Variants in ABHD18 observed in about 807,000 individuals in gnomAD.
The protein encoded by ABHD18 is cardiolipin-specific deacylase, mitochondrial.
A neutral mutation model predicts 65.9 loss-of-function variants in ABHD18; 55 were observed. That is an observed-to-expected ratio of 0.84 (90% CI 0.67 to 1.05). The LOEUF (loss-of-function observed/expected upper bound fraction) is 1.05. Among genes scored for constraint, ABHD18 ranks in the 50% least tolerant of loss-of-function variants. The pLI is 0.00. For synonymous variants in ABHD18, 181 were observed against 180.2 expected, an observed-to-expected ratio of 1.00 and a Z score of -0.04; for missense variants, 533 against 558.5, an observed-to-expected ratio of 0.95 and a Z score of 0.46.
At chr4:128,025,614 A>G (rs572214966) in intron 10 of ABHD18, among the ~76,000 whole-genome samples, 1 of 152,174 alleles carries the variant, frequency 6.6e-6, no homozygotes, top group Non-Finnish European at 1.5e-5. Context: ...AACTTTGTAC[A>G]TTCATGTTAT....
rs1754291952 is a variant in ABHD18, at chr4:128,010,222, T to C, written c.442+1031T>C. ...AAAGTTTACAATAATGTATGACCAG[T>C]ATTTCTGATGTGAATGTAGGATATA... On this transcript the variant is annotated intron_variant, in intron 6 of 12. Coordinates refer to ENST00000645843, the MANE Select transcript of ABHD18 (RefSeq NM_001358451.3). Among the ~76,000 whole-genome samples the C allele has an allele frequency of 2.6e-5, 4 of 152,190 alleles. No individual in the cohort carries two copies. In the South Asian group the frequency reaches 8.3e-4, roughly 31 times the overall value.
At chr4:128,032,720 C>A (rs1258007939) in intron 12 of ABHD18, among the ~76,000 whole-genome samples, 1 of 151,964 alleles carries the variant, frequency 6.6e-6, no homozygotes, top group Non-Finnish European at 1.5e-5. Context: ...GACAGTGAGA[C>A]TCTGTCTCAA....
At chr4:128,007,388 G>A (rs566133869) in intron 4 of ABHD18, among the ~76,000 whole-genome samples, 5 of 143,282 alleles carry the variant, frequency 3.5e-5, no homozygotes, top group African/African-American at 1.0e-4. Context: ...ACAAAGAGAA[G>A]TCATATAGGT....
intron 3 of ABHD18, among the ~76,000 whole-genome samples, chr4:127,987,714 A>T (rs975516424): frequency 2.0e-5 from 3 of 151,506 alleles, no homozygotes; most frequent in Non-Finnish European, 2.9e-5. Context: ...CTCAAAAAAA[A>T]AAAATAAATA....
intron 10 of ABHD18, among the ~76,000 whole-genome samples, chr4:128,026,996 A>G (rs560492863): frequency 1.3e-5 from 2 of 152,060 alleles, no homozygotes; most frequent in South Asian, 4.2e-4. Context: ...TGGCCAGGCT[A>G]GTCTTGAATT....
At chr4:127,991,856 G>C (rs977820583) in intron 4 of ABHD18, among the ~76,000 whole-genome samples, 1 of 152,164 alleles carries the variant, frequency 6.6e-6, no homozygotes, top group African/African-American at 2.4e-5. Context: ...AATACATTCA[G>C]AACCCTATAA....
At chr4:127,984,509 A>G in intron 3 of ABHD18, 86 bp downstream of exon 3, 1 of 658,994 alleles carries the variant, frequency 1.5e-6, no homozygotes, top group Non-Finnish European at 2.5e-6. Context: ...GAGTATAACA[A>G]CAATAAACAC....
At position 128,011,701 on chromosome 4, in the gene ABHD18, G is replaced by A; in HGVS notation, c.470+1G>A. ...GCTGCAGGAAACCCAAGGACCAAGT[G>A]TAAGTATATATCACTTTCATTTTTG... is the stretch of plus-strand genomic sequence containing the variant. On this transcript the variant is annotated splice_donor_variant, in intron 7 of 12. Coordinates refer to ENST00000645843, the MANE Select transcript of ABHD18 (RefSeq NM_001358451.3). LOFTEE classifies it high-confidence loss of function. 2.6e-6 allele frequency: 4 copies of A among 1,537,422 alleles called. No individual in the cohort carries two copies. Among genetic ancestry groups the A allele is most frequent in the South Asian group, 1.2e-5 (1 of 82,094 alleles).
intron 6 of ABHD18, among the ~76,000 whole-genome samples, chr4:128,011,242 G>A (rs1234044479): frequency 1.3e-5 from 2 of 150,976 alleles, no homozygotes; most frequent in Non-Finnish European, 2.9e-5. Context: ...CCGCCCCCCA[G>A]GGTTCACACC....
intron 3 of ABHD18, among the ~76,000 whole-genome samples, chr4:127,985,037 C>T (rs1318443733): frequency 6.6e-6 from 1 of 152,056 alleles, no homozygotes; most frequent in Non-Finnish European, 1.5e-5. Context: ...GGTTAAACCA[C>T]TCAACATTAC....
intron 3 of ABHD18, among the ~76,000 whole-genome samples, chr4:127,985,741 A>G (rs769871728): frequency 2.6e-5 from 4 of 152,040 alleles, no homozygotes; most frequent in Non-Finnish European, 4.4e-5. Context: ...AAAAATTGAG[A>G]TAAAGATACC....
At chr4:128,010,419 C>T (rs1000379084) in intron 6 of ABHD18, among the ~76,000 whole-genome samples, 2 of 151,694 alleles carry the variant, frequency 1.3e-5, no homozygotes, top group Non-Finnish European at 2.9e-5. Flanking sequence ...ATCCCAACTA[C>T]TCAGGAGGCT....
chr4:128,011,373 C>T (rs977454712), intron 6 of ABHD18, among the ~76,000 whole-genome samples: 1 of 151,824 alleles, frequency 6.6e-6, no homozygotes, highest in African/African-American at 2.4e-5. Flanking sequence ...TGGTCTCGAT[C>T]TCCTGACCTC....
chr4:128,021,211 A>C lies in ABHD18; in HGVS notation c.774A>C (p.Glu258Asp), dbSNP rs1560917781. ...QYYTQTVYEE[E>D]IIHMLEYCGT... is the part of the protein sequence containing the mutation. Reference sequence around the variant, plus strand: ...ATACCCAGACAGTTTATGAAGAAGAAATTATTCACATGCTTGAATACTGTG... The same window carrying C: ...ATACCCAGACAGTTTATGAAGAAGACATTATTCACATGCTTGAATACTGTG... The change falls in exon 10 of 13, where the codon GAA becomes GAC. Residue 258 changes from glutamate (E) to aspartate (D), a missense_variant. Glu to Asp is a conservative substitution (Grantham distance 45). This residue lies in a region of ABHD18 where 309 missense variants were observed against 313.5 expected (regional missense o/e 0.99). Coordinates refer to ENST00000645843, the MANE Select transcript of ABHD18 (RefSeq NM_001358451.3). 1.9e-6 allele frequency: 3 copies of C among 1,544,114 alleles called. No individual in the cohort carries two copies. In the Admixed American group the frequency reaches 5.9e-5, roughly 30 times the overall value.
chr4:127,991,138 C>T (rs552337487), intron 4 of ABHD18, among the ~76,000 whole-genome samples: 6 of 152,270 alleles, frequency 3.9e-5, no homozygotes, highest in Admixed American at 1.3e-4. Flanking sequence ...GCTGAGATTA[C>T]AGGCATGAGC....
intron 7 of ABHD18, among the ~76,000 whole-genome samples, chr4:128,015,865 A>T (rs1328211514): frequency 1.3e-5 from 2 of 152,042 alleles, no homozygotes; most frequent in African/African-American, 4.8e-5. Context: ...AGTAGATTCT[A>T]ATTTGGTCAT....
At chr4:128,029,448 C>T (rs1034250100) in intron 11 of ABHD18, among the ~76,000 whole-genome samples, 8 of 150,696 alleles carry the variant, frequency 5.3e-5, no homozygotes, top group South Asian at 2.1e-4. Flanking sequence ...TGGGAGGCTG[C>T]GGTGGGAGGA....
intron 4 of ABHD18, among the ~76,000 whole-genome samples, chr4:128,008,078 G>A (rs1370989602): frequency 2.0e-5 from 3 of 151,810 alleles, no homozygotes; most frequent in East Asian, 3.9e-4. Flanking sequence ...TCTGGTCAAC[G>A]TGGTGAAACG....
intron 7 of ABHD18, 111 bp downstream of exon 7, chr4:128,011,811 G>C (rs536663943): frequency 9.0e-6 from 2 of 221,214 alleles, no homozygotes; most frequent in Non-Finnish European, 1.7e-5. Context: ...TAAATATTAT[G>C]GGGGGGGGGA....
Sources: gnomAD v4.1 joint callset for allele counts (sites outside exome capture counted in the v4.1 genomes callset) on GRCh38, gnomAD v4.1.1 for gene constraint, gnomAD v4.1.1 regional missense constraint, MANE v1.5 for transcripts, NCBI Gene and HGNC (gene_info 2026-07-23, HGNC 2026-07-21) for gene names.